The following BMPR1B variants were observed in gnomAD, a reference collection of about 807,000 sequenced individuals.
BMPR1B encodes bone morphogenetic protein receptor type 1B, also known as bone morphogenetic protein receptor type-1B.
In BMPR1B, 12 loss-of-function variants were observed where a neutral mutation model predicts 59.1. That is an observed-to-expected ratio of 0.20 (90% CI 0.13 to 0.33). The LOEUF is 0.33. BMPR1B is among the 10% of genes least tolerant of loss of function. The pLI, the probability that BMPR1B is intolerant of heterozygous loss-of-function variation, is 1.00. For synonymous variants in BMPR1B, 237 were observed against 207.3 expected, an observed-to-expected ratio of 1.14 and a Z score of -1.23; for missense variants, 550 against 610.9, an observed-to-expected ratio of 0.90 and a Z score of 1.05.
chr4:94,798,508 C>T (rs1047493025), intron 1 of BMPR1B, among the ~76,000 whole-genome samples: 1 of 152,212 alleles, frequency 6.6e-6, no homozygotes, highest in African/African-American at 2.4e-5. Context: ...ATCATCACCA[C>T]CCAAAGAAAT....
At chr4:94,759,519 C>T (rs1448842996) in intron 1 of BMPR1B, among the ~76,000 whole-genome samples, 1 of 152,154 alleles carries the variant, frequency 6.6e-6, no homozygotes, top group African/African-American at 2.4e-5. Context: ...TTTTAGGATT[C>T]CAGTGACAAC....
chr4:95,152,920 T>G lies in BMPR1B; in HGVS notation c.1383+147T>G, dbSNP rs1297603939. The G allele has an allele frequency of 2.8e-6, 3 of 1,061,686 alleles. No individual in the cohort carries two copies. The Admixed American group carries it at 6.9e-5, about 25-fold the overall frequency. 65.8% of individuals were successfully genotyped at this position (1,061,686 alleles called of 1,614,324 possible). On this transcript the variant is annotated intron_variant, in intron 12 of 12. Coordinates refer to ENST00000515059, the MANE Select transcript of BMPR1B (RefSeq NM_001203.3). ...CTCATTGCAGTAATTTATATGAAGA[T>G]AAGTGTAGTATGTTAAATTACTTGT...
At chr4:95,070,176 A>G (rs1374075920) in intron 3 of BMPR1B, among the ~76,000 whole-genome samples, 1 of 152,200 alleles carries the variant, frequency 6.6e-6, no homozygotes, top group Non-Finnish European at 1.5e-5. Context: ...AGAAGGCTAA[A>G]GGAAGGTAGG....
intron 1 of BMPR1B, among the ~76,000 whole-genome samples, chr4:94,812,882 T>G (rs946395916): frequency 3.0e-4 from 46 of 152,314 alleles, no homozygotes; most frequent in African/African-American, 1.0e-3. Flanking sequence ...ATACAGTTTA[T>G]AGACCGCATC....
Position 95,104,523 on chromosome 4 carries a change from A to G in BMPR1B, c.99A>G (p.Lys33=), listed in dbSNP as rs1731064952. 6.2e-7 allele frequency: 1 copy of G among 1,613,490 alleles called. No individual in the cohort carries two copies. The highest frequency in any genetic ancestry group is 8.5e-7 in the Non-Finnish European group (1 of 1,179,616). The change falls in exon 4 of 13, where the codon AAA becomes AAG. Residue 33 remains lysine, a synonymous_variant. Coordinates refer to ENST00000515059, the MANE Select transcript of BMPR1B (RefSeq NM_001203.3). Reference sequence around the variant, plus strand: ...CCCGTCCAAAGGTCTTGCGTTGTAAATGCCACCACCATTGTCCAGAAGACT... The same window carrying G: ...CCCGTCCAAAGGTCTTGCGTTGTAAGTGCCACCACCATTGTCCAGAAGACT... ...PTPRPKVLRC[K]CHHHCPEDSV...
intron 1 of BMPR1B, among the ~76,000 whole-genome samples, chr4:94,820,364 C>T (rs955269523): frequency 6.6e-6 from 1 of 152,202 alleles, no homozygotes; most frequent in African/African-American, 2.4e-5. Flanking sequence ...GAGAACCTTA[C>T]ATAACTCAAG....
intron 2 of BMPR1B, among the ~76,000 whole-genome samples, chr4:94,904,893 A>C (rs1727979421): frequency 6.6e-6 from 1 of 152,026 alleles, no homozygotes; most frequent in African/African-American, 2.4e-5. Context: ...TGTATACTTT[A>C]AATGCCACAA....
chr4:94,894,190 T>A (rs1425772559), intron 2 of BMPR1B, among the ~76,000 whole-genome samples: 1 of 152,024 alleles, frequency 6.6e-6, no homozygotes, highest in Non-Finnish European at 1.5e-5. Flanking sequence ...AGATGCATAA[T>A]GCAAAAATAA....
At chr4:94,799,732 C>A (rs773232383) in intron 1 of BMPR1B, among the ~76,000 whole-genome samples, 1 of 151,224 alleles carries the variant, frequency 6.6e-6, no homozygotes, top group Non-Finnish European at 1.5e-5. Context: ...ACTCTGTCAC[C>A]CAGGCTGGAG....
chr4:95,026,106 C>CTTTCTTTCTTTCTTTCTTTTTTTT (rs1228733871), intron 3 of BMPR1B, among the ~76,000 whole-genome samples: 2 of 133,272 alleles, frequency 1.5e-5, no homozygotes, highest in Non-Finnish European at 3.2e-5. Context: ...TCATTTCTTT[C>CTTTCTTTCTTTCTTTCTTTTTTTT]TTTCTTTCTT....
chr4:95,136,765 C>CA (rs1219238571), intron 10 of BMPR1B, among the ~76,000 whole-genome samples: 2 of 152,014 alleles, frequency 1.3e-5, no homozygotes, highest in Admixed American at 6.6e-5. Flanking sequence ...TCCCCTTTAT[C>CA]ATTTTTTTAT....
chr4:94,809,786 A>G (rs527928055), intron 1 of BMPR1B, among the ~76,000 whole-genome samples: 19 of 152,358 alleles, frequency 1.2e-4, no homozygotes, highest in Admixed American at 3.3e-4. Flanking sequence ...CGTAGGGAAC[A>G]AATTTTTGCA....
At chr4:95,065,591 A>C (rs1727738493) in intron 3 of BMPR1B, among the ~76,000 whole-genome samples, 1 of 152,168 alleles carries the variant, frequency 6.6e-6, no homozygotes, top group Non-Finnish European at 1.5e-5. Context: ...AATATCTGTT[A>C]AGATTTTATA....
rs1442452721 is a variant in BMPR1B at position 95,154,940 on chromosome 4, A to C, written c.*267A>C. On this transcript the variant is annotated 3_prime_UTR_variant, in exon 13 of 13. Transcript: ENST00000515059. ...ATATGATGCATGTTGCTTTCTAAGA[A>C]AGCCCTGTATTTTGTGATTGCCTTT... 4.5e-6 allele frequency: 2 copies of C among 442,274 alleles called. No homozygotes were observed. The highest frequency in any genetic ancestry group is 8.6e-5 in the East Asian group (2 of 23,336). 27.4% of individuals were successfully genotyped at this position (442,274 alleles called of 1,614,324 possible).
chr4:95,066,766 G>A lies in BMPR1B; in HGVS notation c.-17-37642G>A, dbSNP rs987841259. On this transcript the variant is annotated intron_variant, in intron 3 of 12. Transcript: ENST00000515059. ...AAAATCCACTGAATCAAAAACCTTA[G>A]GGGGTTTTTGAGCCCAGAGATCCAT... 5.9e-5 allele frequency among the ~76,000 whole-genome samples: 9 copies of A among 152,142 alleles called. 1 individual carries two copies. Among genetic ancestry groups the A allele is most frequent in the Admixed American group, 5.9e-4 (9 of 15,272 alleles).
chr4:95,084,518 G>A (rs1729421358), intron 3 of BMPR1B, among the ~76,000 whole-genome samples: 1 of 152,114 alleles, frequency 6.6e-6, no homozygotes, highest in Admixed American at 6.6e-5. Flanking sequence ...GGTAGAGTTG[G>A]AAGCAGTTAG....
intron 3 of BMPR1B, among the ~76,000 whole-genome samples, chr4:95,003,801 C>T (rs1342441816): frequency 5.9e-4 from 50 of 84,546 alleles, no homozygotes; most frequent in South Asian, 2.6e-3. Context: ...CAAAGTCCAT[C>T]TTTTTTTTTT....
intron 2 of BMPR1B, among the ~76,000 whole-genome samples, chr4:94,955,855 C>T (rs917984023): frequency 2.6e-5 from 4 of 152,096 alleles, no homozygotes; most frequent in African/African-American, 9.7e-5. Flanking sequence ...TCTCGAACTC[C>T]TGGCTTCAGG....
At chr4:95,136,559 A>G (rs920921800) in intron 10 of BMPR1B, among the ~76,000 whole-genome samples, 1 of 152,112 alleles carries the variant, frequency 6.6e-6, no homozygotes. Flanking sequence ...TTTCGTTGGT[A>G]GGCTATTAAT....
Sources: allele counts gnomAD v4.1 joint callset (sites outside exome capture counted in the v4.1 genomes callset), GRCh38; gene constraint gnomAD v4.1.1; transcripts MANE v1.5; gene names NCBI Gene and HGNC (gene_info 2026-07-23, HGNC 2026-07-21).